Variants in OR3A2 observed in about 807,000 individuals in gnomAD.
OR3A2 encodes the protein olfactory receptor family 3 subfamily A member 2.
For synonymous variants in OR3A2, 126 were observed against 159.3 expected (o/e 0.79, Z 1.57); for missense variants, 318 against 392.8 (o/e 0.81, Z 1.61).
intron 2 of OR3A2, among the ~76,000 whole-genome samples, chr17:3,364,956 T>A (rs2049550590): frequency 6.6e-6 from 1 of 152,190 alleles, no homozygotes; most frequent in South Asian, 2.1e-4. Context: ...ACTGTTACAT[T>A]ATTCTATTAT....
intron 3 of OR3A2, among the ~76,000 whole-genome samples, chr17:3,304,793 T>C (rs768537439): frequency 2.7e-5 from 4 of 150,358 alleles, no homozygotes; most frequent in Non-Finnish European, 5.9e-5. Flanking sequence ...ACAAACTAGG[T>C]ATATTCATAC....
chr17:3,300,365 C>T (rs901043447), intron 3 of OR3A2, among the ~76,000 whole-genome samples: 16 of 152,132 alleles, frequency 1.1e-4, no homozygotes, highest in African/African-American at 3.9e-4. Flanking sequence ...TCGAGACCAG[C>T]CTGGCCAACA....
intron 2 of OR3A2, among the ~76,000 whole-genome samples, chr17:3,365,023 C>T (rs62091296): frequency 6.6e-6 from 1 of 151,818 alleles, no homozygotes; most frequent in South Asian, 2.1e-4. Context: ...ACAATGAGAA[C>T]TAAGAAATGG....
At chr17:3,314,089 C>T (rs2049062630) in intron 3 of OR3A2, among the ~76,000 whole-genome samples, 1 of 152,200 alleles carries the variant, frequency 6.6e-6, no homozygotes. Context: ...GGCTTCCTAA[C>T]TTTGTGCATG....
rs199904690 is a variant in OR3A2, at chr17:3,278,887, C to T, written c.31G>A (p.Ala11Thr). The T allele has an allele frequency of 3.5e-5, 53 of 1,517,170 alleles. No homozygotes were observed. Among genetic ancestry groups the T allele is most frequent in the African/African-American group, 4.2e-5 (3 of 71,324 alleles). 94.0% of individuals were successfully genotyped at this position (1,517,170 alleles called of 1,614,324 possible). The change falls in exon 2 of 2, where the codon GCT becomes ACT. Residue 11 changes from alanine (A) to threonine (T), a missense_variant. By Grantham distance (58) the Ala-to-Thr change is moderately conservative. Transcript: ENST00000642052. ...CCCAGTAGAATGAACTCAGCAACAG[C>T]GGTCCTATTGGTCCCAGCTTCTGGC... is the stretch of plus-strand genomic sequence containing the variant.
chr17:3,337,636 G>A (rs1275374748), intron 2 of OR3A2, among the ~76,000 whole-genome samples: 5 of 152,116 alleles, frequency 3.3e-5, no homozygotes, highest in Non-Finnish European at 2.9e-5. Context: ...AGTATTCCAT[G>A]GTGTAAATGT....
chr17:3,362,719 C>G (rs2049528829), intron 2 of OR3A2, among the ~76,000 whole-genome samples: 1 of 151,596 alleles, frequency 6.6e-6, no homozygotes, highest in Non-Finnish European at 1.5e-5. Context: ...CATTTCCCCT[C>G]AGCACTCCAC....
chr17:3,337,888 C>T (rs2049284997), intron 2 of OR3A2, among the ~76,000 whole-genome samples: 1 of 152,174 alleles, frequency 6.6e-6, no homozygotes, highest in Non-Finnish European at 1.5e-5. Context: ...TACAGTCCCA[C>T]CAACAGTGTA....
At chr17:3,282,506 T>C (rs1408814337) in intron 1 of OR3A2, among the ~76,000 whole-genome samples, 2 of 145,314 alleles carry the variant, frequency 1.4e-5, no homozygotes, top group Non-Finnish European at 3.0e-5. Flanking sequence ...ATGTCTCCAA[T>C]GTGAGGCTGT....
At chr17:3,302,072 C>T (rs549454641) in intron 3 of OR3A2, among the ~76,000 whole-genome samples, 7 of 152,148 alleles carry the variant, frequency 4.6e-5, no homozygotes, top group African/African-American at 1.7e-4. Flanking sequence ...AACTACAAAC[C>T]ACTGCTCAAC....
intron 2 of OR3A2, among the ~76,000 whole-genome samples, chr17:3,345,563 T>C (rs181885544): frequency 3.2e-4 from 49 of 151,858 alleles, no homozygotes; most frequent in Admixed American, 1.2e-3. Flanking sequence ...AAAGAAACAA[T>C]ATCACAAAAA....
intron 2 of OR3A2, among the ~76,000 whole-genome samples, chr17:3,344,183 G>C (rs1597350781): frequency 1.3e-5 from 2 of 152,316 alleles, no homozygotes; most frequent in East Asian, 1.9e-4. Flanking sequence ...GATGATGTCT[G>C]TGTATTGACT....
chr17:3,282,403 G>A (rs1445489085), intron 1 of OR3A2, among the ~76,000 whole-genome samples: 1 of 145,106 alleles, frequency 6.9e-6, no homozygotes, highest in East Asian at 1.9e-4. Context: ...CTGAGATTCT[G>A]TCTCAAAAAA....
At chr17:3,357,259 G>T (rs1311112381) in intron 2 of OR3A2, among the ~76,000 whole-genome samples, 1 of 151,656 alleles carries the variant, frequency 6.6e-6, no homozygotes, top group African/African-American at 2.4e-5. Context: ...TAGGGATAAG[G>T]TGAGAGCTGA....
At chr17:3,277,766 G>C in exon 2 of OR3A2, 1 of 574,096 alleles carries the variant, frequency 1.7e-6, no homozygotes, top group Non-Finnish European at 3.0e-6. Context: ...TTGGAAGACT[G>C]TCCAGATCAT....
intron 3 of OR3A2, among the ~76,000 whole-genome samples, chr17:3,316,300 T>C (rs1048487146): frequency 7.2e-5 from 11 of 152,226 alleles, no homozygotes; most frequent in African/African-American, 2.7e-4. Context: ...GTTTCAGACA[T>C]TGTGAGTTCT....
chr17:3,330,864 C>T (rs2049226152), intron 3 of OR3A2, among the ~76,000 whole-genome samples: 1 of 151,870 alleles, frequency 6.6e-6, no homozygotes, highest in Admixed American at 6.6e-5. Flanking sequence ...TTGTTCCTTT[C>T]CATGTTTAGC....
chr17:3,301,377 T>C (rs368397063), intron 3 of OR3A2, among the ~76,000 whole-genome samples: 25,095 of 151,924 alleles, frequency 0.17, 2,917 homozygotes, highest in African/African-American at 0.33. Flanking sequence ...TTTTAATGAT[T>C]GCCATTCTAA....
chr17:3,279,405 T>C (rs1156953803), intron 1 of OR3A2, among the ~76,000 whole-genome samples: 2 of 152,224 alleles, frequency 1.3e-5, no homozygotes, highest in Non-Finnish European at 2.9e-5. Context: ...TATAGTTAGA[T>C]TTAGATGAAG....
Sources: allele counts gnomAD v4.1 joint callset (sites outside exome capture counted in the v4.1 genomes callset), GRCh38; gene constraint gnomAD v4.1.1; transcripts MANE v1.5; gene names NCBI Gene and HGNC (gene_info 2026-07-23, HGNC 2026-07-21).